Variants in NKAIN2 observed in about 807,000 individuals in gnomAD.
The protein encoded by NKAIN2 is sodium/potassium-transporting ATPase subunit beta-1-interacting protein 2.
A neutral mutation model predicts 32.6 loss-of-function variants in NKAIN2; 14 were observed. The observed-to-expected ratio is 0.43, with a 90% CI of 0.28 to 0.67. The LOEUF is 0.67. Among genes scored for constraint, NKAIN2 ranks in the 30% least tolerant of loss-of-function variants. The probability of loss-of-function intolerance (pLI) is 0.17; values close to 1 mark genes in which losing one functional copy is unlikely to be tolerated. For synonymous variants in NKAIN2, 80 were observed against 87.2 expected, an observed-to-expected ratio of 0.92 and a Z score of 0.46; for missense variants, 198 against 258.3, an observed-to-expected ratio of 0.77 and a Z score of 1.60.
intron 2 of NKAIN2, among the ~76,000 whole-genome samples, chr6:124,331,679 A>AT (rs2115052880): frequency 6.6e-6 from 1 of 152,262 alleles, no homozygotes; most frequent in African/African-American, 2.4e-5. Context: ...GTGGCCCTGC[A>AT]TTTGCAAGAT....
At chr6:124,275,401 T>C (rs1033746035) in intron 1 of NKAIN2, among the ~76,000 whole-genome samples, 1 of 152,164 alleles carries the variant, frequency 6.6e-6, no homozygotes, top group East Asian at 1.9e-4. Context: ...ATGCACTTCT[T>C]GTCTCTATTT....
chr6:124,408,037 G>A (rs1188444792), intron 3 of NKAIN2, among the ~76,000 whole-genome samples: 1 of 152,030 alleles, frequency 6.6e-6, no homozygotes, highest in African/African-American at 2.4e-5. Flanking sequence ...ACTTTTTGAT[G>A]GGGTTGTTTG....
intron 1 of NKAIN2, among the ~76,000 whole-genome samples, chr6:124,075,315 A>G (rs968743890): frequency 2.0e-5 from 3 of 152,216 alleles, no homozygotes; most frequent in Non-Finnish European, 4.4e-5. Flanking sequence ...CTATAAAAAG[A>G]CAACTGCTTC....
chr6:123,847,650 T>A (rs1423757599), intron 1 of NKAIN2, among the ~76,000 whole-genome samples: 1 of 152,188 alleles, frequency 6.6e-6, no homozygotes, highest in African/African-American at 2.4e-5. Flanking sequence ...TTTGTGAGAA[T>A]AACTCATAAA....
At chr6:124,323,787 T>TTC in intron 2 of NKAIN2, among the ~76,000 whole-genome samples, 1 of 146,078 alleles carries the variant, frequency 6.8e-6, no homozygotes, top group African/African-American at 2.5e-5. Context: ...ATTTTTTCTT[T>TTC]TTTTTTTTTT....
rs9491002 is a variant in NKAIN2 at position 123,928,284 on chromosome 6, A to G, written c.54+124030A>G. ...ATGTGAGGTGAGTGCAAGGACTGAA[A>G]AACTATCTATTGGGTACTATGCTCA... On this transcript the variant is annotated intron_variant, in intron 1 of 6. Transcript: ENST00000368417. Among the ~76,000 whole-genome samples the G allele has an allele frequency of 4.6e-3, 705 of 152,266 alleles. 8 individuals carry two copies. Among genetic ancestry groups the G allele is most frequent in the African/African-American group, 0.014 (597 of 41,564 alleles).
intron 3 of NKAIN2, among the ~76,000 whole-genome samples, chr6:124,557,944 TTAG>T (rs1352584465): frequency 2.0e-4 from 30 of 152,226 alleles, no homozygotes; most frequent in African/African-American, 7.2e-4. Context: ...AGTTTAAATA[TTAG>T]TAATTACCTC....
chr6:124,494,519 A>G (rs1777992915), intron 3 of NKAIN2, among the ~76,000 whole-genome samples: 1 of 152,092 alleles, frequency 6.6e-6, no homozygotes, highest in Non-Finnish European at 1.5e-5. Flanking sequence ...ACTTAATATG[A>G]TTCTTAATAG....
In NKAIN2 at chr6:124,658,750, G is replaced by A. The variant is rs548647717; in HGVS notation, c.474+364G>A. ...TCAAAATTATAAGATTTCCATAAGT[G>A]TTTTCTCTTTTAGTGCTTCTTTTGG... On this transcript the variant is annotated intron_variant, in intron 4 of 6. Transcript: ENST00000368417. 482 of 379,658 alleles carry A rather than the reference G, an allele frequency of 1.3e-3. 1 individual carries two copies. Among genetic ancestry groups the A allele is most frequent in the Non-Finnish European group, 1.8e-3 (380 of 214,926 alleles). 23.5% of individuals were successfully genotyped at this position (379,658 alleles called of 1,614,324 possible). A position where few individuals can be genotyped will look rare whatever the true frequency, so the allele number is the denominator to read the frequency against.
Position 124,386,068 on chromosome 6 carries a change from C to T in NKAIN2, c.273+30721C>T, listed in dbSNP as rs77205401. Among the ~76,000 whole-genome samples the T allele has an allele frequency of 9.8e-4, 149 of 151,982 alleles. 3 individuals are homozygous for T. In the East Asian group the frequency reaches 0.028, roughly 28 times the overall value. On this transcript the variant is annotated intron_variant, in intron 3 of 6. Coordinates refer to ENST00000368417, the MANE Select transcript of NKAIN2 (RefSeq NM_001040214.3). ...TATTAATTGAAGAAAAATGGGTGTC[C>T]TTTAAAGATTTTTTAAGATTAGAAA...
intron 1 of NKAIN2, among the ~76,000 whole-genome samples, chr6:123,841,145 C>T (rs577749853): frequency 9.2e-5 from 14 of 152,134 alleles, no homozygotes; most frequent in East Asian, 5.8e-4. Flanking sequence ...GTGAATAGGG[C>T]GGTATATGTA....
At chr6:124,536,682 G>A (rs1779727192) in intron 3 of NKAIN2, among the ~76,000 whole-genome samples, 2 of 152,136 alleles carry the variant, frequency 1.3e-5, no homozygotes, top group Admixed American at 1.3e-4. Context: ...GAGGCTGCTA[G>A]GCTTCAAACA....
At chr6:124,667,349 G>T (rs549186971) in intron 4 of NKAIN2, among the ~76,000 whole-genome samples, 13 of 152,168 alleles carry the variant, frequency 8.5e-5, no homozygotes, top group African/African-American at 3.1e-4. Flanking sequence ...TGCATACAAT[G>T]TTGTGCAATA....
At chr6:124,578,018 G>T (rs1028186567) in intron 3 of NKAIN2, among the ~76,000 whole-genome samples, 1 of 152,172 alleles carries the variant, frequency 6.6e-6, no homozygotes, top group East Asian at 1.9e-4. Context: ...TTCATCAGCT[G>T]CTGATTAAAG....
chr6:124,051,030 A>G (rs1782375465), intron 1 of NKAIN2, among the ~76,000 whole-genome samples: 1 of 152,128 alleles, frequency 6.6e-6, no homozygotes, highest in Non-Finnish European at 1.5e-5. Flanking sequence ...AACAGGTTCA[A>G]TTTATAGCAT....
At chr6:124,329,518 A>G (rs1797564568) in intron 2 of NKAIN2, among the ~76,000 whole-genome samples, 1 of 152,202 alleles carries the variant, frequency 6.6e-6, no homozygotes, top group Admixed American at 6.5e-5. Context: ...AATTTGTGGA[A>G]ATGAGAAACA....
At chr6:124,743,606 G>A (rs1476316461) in intron 4 of NKAIN2, among the ~76,000 whole-genome samples, 1 of 151,838 alleles carries the variant, frequency 6.6e-6, no homozygotes, top group African/African-American at 2.4e-5. Flanking sequence ...ATGATAACAT[G>A]ATATCCCTCT....
At chr6:124,733,067 T>A (rs1375254286) in intron 4 of NKAIN2, among the ~76,000 whole-genome samples, 2 of 151,998 alleles carry the variant, frequency 1.3e-5, no homozygotes, top group Non-Finnish European at 2.9e-5. Context: ...TCAGAAATGT[T>A]CCTAGACTTT....
At chr6:124,580,871 AAAAC>A (rs1315329229) in intron 3 of NKAIN2, among the ~76,000 whole-genome samples, 1 of 152,228 alleles carries the variant, frequency 6.6e-6, no homozygotes, top group African/African-American at 2.4e-5. Flanking sequence ...ACACAAAACA[AAAAC>A]AAAACAGAAA....
Sources: gnomAD v4.1 joint callset for allele counts (sites outside exome capture counted in the v4.1 genomes callset) on GRCh38, gnomAD v4.1.1 for gene constraint, MANE v1.5 for transcripts, NCBI Gene and HGNC (gene_info 2026-07-23, HGNC 2026-07-21) for gene names.